The following RTN2 variants were observed in gnomAD, a reference collection of about 807,000 sequenced individuals.
The protein encoded by RTN2 is reticulon-2.
Under a neutral mutation model 63.7 loss-of-function variants are expected in RTN2, and 36 were observed. The observed-to-expected ratio is 0.56, with a 90% CI of 0.43 to 0.75. The LOEUF is 0.75. Ranked by LOEUF, RTN2 falls within the 30% of genes least tolerant of loss-of-function variation. The pLI is 0.00. For synonymous variants in RTN2, 312 were observed against 313.0 expected (o/e 1.00, Z 0.03); for missense variants, 673 against 705.1 (o/e 0.95, Z 0.52).
intron 1 of RTN2, among the ~76,000 whole-genome samples, chr19:45,496,428 T>C (rs1211481945): frequency 1.3e-5 from 2 of 152,178 alleles, no homozygotes; most frequent in African/African-American, 4.8e-5. Context: ...ACCCCTGTTT[T>C]CCATCCTGGC....
intron 5 of RTN2, among the ~76,000 whole-genome samples, chr19:45,492,859 A>AG (rs1203548505): frequency 6.6e-6 from 1 of 151,524 alleles, no homozygotes; most frequent in Non-Finnish European, 1.5e-5. Flanking sequence ...CGCTGGGGGG[A>AG]GGGGGCCTCC....
chr19:45,489,966 T>C (rs1297784071), intron 5 of RTN2, among the ~76,000 whole-genome samples: 2 of 152,042 alleles, frequency 1.3e-5, no homozygotes, highest in East Asian at 3.9e-4. Context: ...GGATTATACG[T>C]GTGAGGCACA....
Position 45,485,607 on chromosome 19 carries a change from T to G in RTN2, c.*101A>C. On this transcript the variant is annotated 3_prime_UTR_variant, in exon 11 of 11. Transcript: ENST00000245923. ...ATCCTGACACCCACCGGGAAAAGGC[T>G]CGGGCCGAGGAGGGGGGTGGGTGGG... 2 of 946,240 alleles carry G rather than the reference T, an allele frequency of 2.1e-6. No individual in the cohort carries two copies. Among genetic ancestry groups the G allele is most frequent in the South Asian group, 1.4e-5 (1 of 73,854 alleles). The allele number at this position is 946,240 out of a possible 1,614,324, so 58.6% of individuals were successfully genotyped here.
chr19:45,491,714 T>C (rs1968165630), intron 5 of RTN2, among the ~76,000 whole-genome samples: 1 of 151,966 alleles, frequency 6.6e-6, no homozygotes, highest in Admixed American at 6.6e-5. Flanking sequence ...TGTATTTTAG[T>C]AGAGACGGGG....
At chr19:45,496,705 C>T (rs1174829737) in intron 1 of RTN2, 87 bp downstream of exon 1, 3 of 922,836 alleles carry the variant, frequency 3.3e-6, no homozygotes, top group African/African-American at 3.5e-5. Context: ...TCCCGGCTCT[C>T]CTGCGGGCAA....
chr19:45,489,121 C>T, intron 6 of RTN2, 135 bp from the exon 7 acceptor site: 1 of 1,061,872 alleles, frequency 9.4e-7, no homozygotes, highest in Non-Finnish European at 1.4e-6. Flanking sequence ...TCAGAGGAAT[C>T]ATATGTAGAG....
Position 45,488,653 on chromosome 19 carries a change from C to A in RTN2, c.1434G>T (p.Leu478Phe). The change falls in exon 8 of 11, where the codon TTG (leucine) becomes TTT (phenylalanine). Residue 478 changes from leucine (L) to phenylalanine (F), a missense_variant. Leu to Phe is a conservative substitution (Grantham distance 22). Transcript: ENST00000245923. ...CCAGCTCACCCAGAATGAGAAGAGT[C>A]AAACCATTGAAGATGGCACCCACGA... is the stretch of plus-strand genomic sequence containing the variant. ...LTFVGAIFNGLTLLILGVIGL... is the reference protein window; with the variant it reads ...LTFVGAIFNGFTLLILGVIGL... 6.2e-7 allele frequency: 1 copy of A among 1,613,960 alleles called. No individual in the cohort carries two copies. The highest frequency in any genetic ancestry group is 1.1e-5 in the South Asian group (1 of 91,020).
At position 45,485,577 on chromosome 19, in the gene RTN2, G is replaced by A. The variant is rs1221437919; in HGVS notation, c.*131C>T. 1 of 715,956 alleles carries A rather than the reference G, an allele frequency of 1.4e-6. No individual in the cohort carries two copies. Among genetic ancestry groups the A allele is most frequent in the East Asian group, 2.5e-5 (1 of 39,762 alleles). 44.4% of individuals were successfully genotyped at this position (715,956 alleles called of 1,614,324 possible). A position where few individuals can be genotyped will look rare whatever the true frequency, so the allele number is the denominator to read the frequency against. ...GTAATTAGCGCAGAGTCCCTAGTGGGAGTGATCCTGACACCCACCGGGAAA... is the reference window on the plus strand; with the variant it reads ...GTAATTAGCGCAGAGTCCCTAGTGGAAGTGATCCTGACACCCACCGGGAAA... On this transcript the variant is annotated 3_prime_UTR_variant, in exon 11 of 11. Transcript: ENST00000245923.
chr19:45,486,363 C>T (rs541031354), intron 9 of RTN2, among the ~76,000 whole-genome samples: 3 of 152,208 alleles, frequency 2.0e-5, no homozygotes, highest in Non-Finnish European at 2.9e-5. Context: ...GCAGTGAGGC[C>T]GTGTCCTGGG....
At position 45,494,908 on chromosome 19, in the gene RTN2, G is replaced by A; in HGVS notation, c.177C>T (p.Pro59=). The stretch of plus-strand genomic sequence containing the variant: ...CGATGTAGGAGAAGGTCAGCTCCCG[G>A]GGGGTGCCCCAGTCCTGCGACGTGG... The part of the protein sequence containing the change: ...EETTSQDWGT[P]RELTFSYIAF... Residue 59 remains proline (P), a synonymous_variant, in exon 3 of 11, where the codon CCC becomes CCT. Transcript: ENST00000245923. This position sits in a 1 kb window ranked among gnomAD's most constrained non-coding sequence, Gnocchi z 5.3. 6.2e-7 allele frequency: 1 copy of A among 1,612,960 alleles called. No homozygotes were observed. The highest frequency in any genetic ancestry group is 1.3e-5 in the African/African-American group (1 of 75,044).
Position 45,494,558 on chromosome 19 carries a change from G to T in RTN2, c.527C>A (p.Pro176His). Residue 176 changes from proline (P) to histidine (H), a missense_variant, in exon 3 of 11, where the codon CCC becomes CAC. Pro to His is a moderately conservative substitution (Grantham distance 77). Transcript: ENST00000245923. This position sits in a 1 kb window ranked among gnomAD's most constrained non-coding sequence, Gnocchi z 5.3. ...TPLEDEEPQE[P>H]NRLETGEAGE... ...AGCTTCTCCTGTCTCCAATCTGTTG[G>T]GTTCTTGGGGTTCTTCGTCTTCCAG... 1.2e-6 allele frequency: 2 copies of T among 1,614,096 alleles called. No individual in the cohort carries two copies. Among genetic ancestry groups the T allele is most frequent in the Non-Finnish European group, 1.7e-6 (2 of 1,180,018 alleles).
intron 9 of RTN2, among the ~76,000 whole-genome samples, chr19:45,488,201 C>T (rs146530516): frequency 0.016 from 2,384 of 152,016 alleles, 65 homozygotes; most frequent in African/African-American, 0.055. Flanking sequence ...TGCAGTGAGC[C>T]GAGATCACAC....
At chr19:45,488,374 G>A in intron 9 of RTN2, 97 bp downstream of exon 9, 4 of 1,313,144 alleles carry the variant, frequency 3.0e-6, no homozygotes, top group South Asian at 1.3e-5. Flanking sequence ...ACCTGTGTCT[G>A]GCCGGGACAT....
intron 2 of RTN2, 39 bp downstream of exon 2, chr19:45,495,056 C>T: frequency 1.9e-6 from 3 of 1,614,186 alleles, no homozygotes; most frequent in African/African-American, 1.3e-5. Flanking sequence ...CCCTGAGCTG[C>T]CCAGCCCTGA....
rs763738036 is a variant in RTN2, at chr19:45,494,225, C to T, written c.755G>A (p.Arg252Lys). ...GTCCGTGCTATCGAGGCACTGTCCCCTTACTGGCTCTCGCTCCAGTGGCCC... is the reference window on the plus strand; with the variant it reads ...GTCCGTGCTATCGAGGCACTGTCCCTTTACTGGCTCTCGCTCCAGTGGCCC... The part of the protein sequence containing the change: ...QWGPLEREPV[R>K]GQCLDSTDQL... Residue 252 changes from arginine to lysine, a missense_variant, in exon 4 of 11, where the codon AGG becomes AAG. Physicochemically the swap from Arg to Lys is conservative, Grantham distance 26 (BLOSUM62 2). Transcript: ENST00000245923. The surrounding 1 kb of genome is among the most constrained non-coding windows in gnomAD (Gnocchi z 5.3). 2.5e-6 allele frequency: 4 copies of T among 1,611,450 alleles called. No homozygotes were observed. Among genetic ancestry groups the T allele is most frequent in the Non-Finnish European group, 3.4e-6 (4 of 1,180,016 alleles).
chr19:45,494,344 C>G lies in RTN2; in HGVS notation c.636G>C (p.Gly212=). Reference sequence around the variant, plus strand: ...GGGACGGAGTACCGGCCTGGGGTGTCCCAGAGCCCGGACTGAGCTGGGGAG... The same window carrying G: ...GGGACGGAGTACCGGCCTGGGGTGTGCCAGAGCCCGGACTGAGCTGGGGAG... ...VLTPQLSPGS[G]TPQAGTPSPS... The change falls in exon 4 of 11, where the codon GGG becomes GGC. Residue 212 remains glycine, a synonymous_variant. Coordinates refer to ENST00000245923, the MANE Select transcript of RTN2 (RefSeq NM_005619.5). This position sits in a 1 kb window ranked among gnomAD's most constrained non-coding sequence, Gnocchi z 5.3. 1 of 1,614,126 alleles carries G rather than the reference C, an allele frequency of 6.2e-7. No homozygotes were observed. Among genetic ancestry groups the G allele is most frequent in the Admixed American group, 1.7e-5 (1 of 60,016 alleles).
At chr19:45,486,018 C>G (rs774528709) in intron 10 of RTN2, 37 bp downstream of exon 10, 3 of 1,602,908 alleles carry the variant, frequency 1.9e-6, no homozygotes, top group Admixed American at 1.7e-5. Context: ...AGCTCCCCCA[C>G]TTCCCCCTCC....
chr19:45,492,043 A>G (rs1968172377), intron 5 of RTN2, among the ~76,000 whole-genome samples: 1 of 152,174 alleles, frequency 6.6e-6, no homozygotes, highest in Non-Finnish European at 1.5e-5. Context: ...CCTGCCCTGC[A>G]GTGGGTTGCA....
intron 1 of RTN2, among the ~76,000 whole-genome samples, chr19:45,495,618 A>G (rs1401913355): frequency 6.6e-6 from 1 of 152,228 alleles, no homozygotes; most frequent in Non-Finnish European, 1.5e-5. Flanking sequence ...GTGGTCAAGA[A>G]GGCTTCTCTG....
Sources: allele counts gnomAD v4.1 joint callset (sites outside exome capture counted in the v4.1 genomes callset), GRCh38; gene constraint gnomAD v4.1.1; non-coding constraint Gnocchi (gnomAD v3.1); transcripts MANE v1.5; gene names NCBI Gene and HGNC (gene_info 2026-07-23, HGNC 2026-07-21).